SGMS1: variants seen among roughly 807,000 people sequenced by gnomAD.
SGMS1 encodes the protein sphingomyelin synthase 1.
Under a neutral mutation model 46.2 loss-of-function variants are expected in SGMS1, and 13 were observed. The ratio of observed to expected loss-of-function variants is 0.28; its 90% confidence interval spans 0.18 to 0.45. The LOEUF (loss-of-function observed/expected upper bound fraction) is 0.45. SGMS1 is among the 20% of genes least tolerant of loss of function. The pLI is 1.00. For missense variants in SGMS1, 324 were observed against 519.9 expected (o/e 0.62, Z 3.66); for synonymous variants, 203 against 187.8 (o/e 1.08, Z -0.66).
At chr10:50,469,686 G>T (rs1837361697) in intron 3 of SGMS1, among the ~76,000 whole-genome samples, 1 of 152,142 alleles carries the variant, frequency 6.6e-6, no homozygotes. Flanking sequence ...GGTGGGGGGA[G>T]TGTGGTACAG....
At chr10:50,588,069 C>A (rs1371947696) in intron 2 of SGMS1, among the ~76,000 whole-genome samples, 1 of 152,110 alleles carries the variant, frequency 6.6e-6, no homozygotes, top group Non-Finnish European at 1.5e-5. Flanking sequence ...TGGAGTCCCA[C>A]TCACTCCTCC....
chr10:50,461,470 CAGAA>C (rs1284531944), intron 4 of SGMS1, among the ~76,000 whole-genome samples: 2 of 152,090 alleles, frequency 1.3e-5, no homozygotes, highest in Admixed American at 1.3e-4. Flanking sequence ...TAATGGTAGT[CAGAA>C]AGGTAGTATA....
intron 6 of SGMS1, among the ~76,000 whole-genome samples, chr10:50,357,007 T>C (rs1392140953): frequency 6.6e-6 from 1 of 151,788 alleles, no homozygotes; most frequent in Admixed American, 6.6e-5. Context: ...CACACCAACA[T>C]GGCACATGTA....
chr10:50,311,209 G>A (rs1222817928), intron 9 of SGMS1, 53 bp downstream of exon 9: 2 of 1,587,456 alleles, frequency 1.3e-6, no homozygotes, highest in African/African-American at 2.7e-5. Flanking sequence ...GAGGACCAGA[G>A]TTCATGAGAA....
intron 2 of SGMS1, among the ~76,000 whole-genome samples, chr10:50,564,395 GT>G (rs1312993411): frequency 1.3e-5 from 2 of 152,184 alleles, no homozygotes; most frequent in Non-Finnish European, 2.9e-5. Context: ...GCGCGACATT[GT>G]TTAAAGGCAC....
In SGMS1 at chr10:50,387,775, G is replaced by A. The variant is rs533976668; in HGVS notation, c.-231-43430C>T. On this transcript the variant is annotated intron_variant, in intron 6 of 10. Transcript: ENST00000361781. ...GAATCAAGCAGCCTCCCAAGCCACG[G>A]TAGGCTCAGAGACTCCAGCACAGCC... 7.7e-4 allele frequency among the ~76,000 whole-genome samples: 117 copies of A among 152,300 alleles called. 1 individual carries two copies. In the South Asian group the frequency reaches 0.023, roughly 29 times the overall value.
At chr10:50,616,397 A>G (rs1214658132) in intron 1 of SGMS1, among the ~76,000 whole-genome samples, 1 of 152,128 alleles carries the variant, frequency 6.6e-6, no homozygotes, top group Admixed American at 6.5e-5. Flanking sequence ...CGGCCTCCCA[A>G]AGTGTTGGGA....
intron 4 of SGMS1, among the ~76,000 whole-genome samples, chr10:50,462,268 A>G (rs1226058573): frequency 6.6e-6 from 1 of 152,088 alleles, no homozygotes; most frequent in African/African-American, 2.4e-5. Context: ...TCAAAAAGAA[A>G]ATTAATAAAG....
intron 6 of SGMS1, among the ~76,000 whole-genome samples, chr10:50,357,403 T>C (rs751345299): frequency 3.9e-5 from 6 of 152,196 alleles, no homozygotes; most frequent in Non-Finnish European, 8.8e-5. Context: ...TCTATTATAC[T>C]ACCTTGTCAT....
rs1042077428 is a variant in SGMS1 at position 50,560,253 on chromosome 10, CATA to C, written c.-589+29897_-589+29899del. Among the ~76,000 whole-genome samples the C allele has an allele frequency of 4.3e-5, 6 of 139,538 alleles. No homozygotes were observed. The South Asian group carries it at 6.6e-4, about 15-fold the overall frequency. 91.5% of individuals were successfully genotyped at this position (139,538 alleles called of 152,430 possible). ...ATATAACATAATATTATGTAATATA[CATA>C]ATATCTAATGTATGTAATATACAGT... is the stretch of plus-strand genomic sequence containing the variant. On this transcript the variant is annotated intron_variant, in intron 2 of 10. Coordinates refer to ENST00000361781, the MANE Select transcript of SGMS1 (RefSeq NM_147156.4).
intron 3 of SGMS1, among the ~76,000 whole-genome samples, chr10:50,470,566 C>A (rs1837369860): frequency 6.6e-6 from 1 of 151,998 alleles, no homozygotes; most frequent in Admixed American, 6.6e-5. Context: ...CTCAAAGCTT[C>A]TTCCTGCCAG....
intron 2 of SGMS1, among the ~76,000 whole-genome samples, chr10:50,576,026 T>G (rs928292027): frequency 5.3e-5 from 8 of 152,144 alleles, no homozygotes; most frequent in African/African-American, 1.9e-4. Flanking sequence ...GCCTTGCCTC[T>G]TCCTTTCCCT....
At chr10:50,590,967 G>C (rs1433240531) in intron 1 of SGMS1, among the ~76,000 whole-genome samples, 2 of 151,368 alleles carry the variant, frequency 1.3e-5, no homozygotes, top group Non-Finnish European at 2.9e-5. Context: ...CACTTAGAAG[G>C]CATCCACGTA....
chr10:50,562,823 C>A (rs1838253363), intron 2 of SGMS1, among the ~76,000 whole-genome samples: 1 of 152,140 alleles, frequency 6.6e-6, no homozygotes, highest in African/African-American at 2.4e-5. Flanking sequence ...GGTTTACAAG[C>A]GTGAGCCACC....
chr10:50,416,016 T>A (rs963102993), intron 6 of SGMS1, among the ~76,000 whole-genome samples: 2 of 152,198 alleles, frequency 1.3e-5, no homozygotes, highest in African/African-American at 4.8e-5. Flanking sequence ...GGCGGCCATG[T>A]GCATTAACGA....
chr10:50,331,886 C>A (rs1847628818), intron 7 of SGMS1, among the ~76,000 whole-genome samples: 1 of 152,216 alleles, frequency 6.6e-6, no homozygotes, highest in Admixed American at 6.5e-5. Flanking sequence ...GAACTTGGCC[C>A]TCACTAGATA....
At chr10:50,557,178 T>A (rs939105680) in intron 2 of SGMS1, among the ~76,000 whole-genome samples, 5 of 152,230 alleles carry the variant, frequency 3.3e-5, no homozygotes, top group Admixed American at 6.5e-5. Flanking sequence ...AGGGTACAGT[T>A]CTTTGTAAAC....
chr10:50,545,372 A>G (rs907268610), intron 2 of SGMS1, among the ~76,000 whole-genome samples: 1 of 152,168 alleles, frequency 6.6e-6, no homozygotes, highest in East Asian at 1.9e-4. Context: ...TGGGTTGGTA[A>G]GAAGAAGTTC....
Position 50,327,200 on chromosome 10 carries a change from T to G in SGMS1, c.741+5A>C, listed in dbSNP as rs1334981670. 1 of 1,513,280 alleles carries G rather than the reference T, an allele frequency of 6.6e-7. No homozygotes were observed. The allele number at this position is 1,513,280 out of a possible 1,614,324, so 93.7% of individuals were successfully genotyped here. A position where few individuals can be genotyped will look rare whatever the true frequency, so the allele number is the denominator to read the frequency against. On this transcript the variant is annotated splice_donor_5th_base_variant and intron_variant, in intron 8 of 10. Transcript: ENST00000361781. ...AAAGCGAAATTACAGCGAGGAATAG[T>G]TTACCTTCGGAGAACAGTTGAAATG... is the stretch of plus-strand genomic sequence containing the variant.
Sources: gnomAD v4.1 joint callset for allele counts (sites outside exome capture counted in the v4.1 genomes callset) on GRCh38, gnomAD v4.1.1 for gene constraint, MANE v1.5 for transcripts, NCBI Gene and HGNC (gene_info 2026-07-23, HGNC 2026-07-21) for gene names.